Variants in CCL28 observed in about 807,000 individuals in gnomAD.
The protein encoded by CCL28 is C-C motif chemokine 28.
A neutral mutation model predicts 7.1 loss-of-function variants in CCL28; 4 were observed. That is an observed-to-expected ratio of 0.56 (90% CI 0.28 to 1.29). The LOEUF is 1.29. CCL28 is among the 50% of genes most tolerant of loss of function. The pLI is 0.11. For missense variants in CCL28, 151 were observed against 163.4 expected (o/e 0.92, Z 0.41); for synonymous variants, 55 against 57.8 (o/e 0.95, Z 0.22).
the CCL28 span, among the ~76,000 whole-genome samples, chr5:43,364,614 A>T: frequency 6.6e-6 from 1 of 151,966 alleles, no homozygotes; most frequent in African/African-American, 2.4e-5. Flanking sequence ...TCTAAAAAAA[A>T]TGTTAATTTA....
intron 1 of CCL28, among the ~76,000 whole-genome samples, chr5:43,408,109 A>G (rs1360379044): frequency 2.0e-5 from 3 of 152,380 alleles, no homozygotes; most frequent in Non-Finnish European, 4.4e-5. Flanking sequence ...AGAACTAGAA[A>G]TACTATTTGA....
chr5:43,362,108 T>C, the CCL28 span, among the ~76,000 whole-genome samples: 1 of 152,208 alleles, frequency 6.6e-6, no homozygotes, highest in African/African-American at 2.4e-5. Context: ...TTTAATGATA[T>C]TTGTTCTTTC....
rs779562332 is a variant in CCL28, at chr5:43,381,952, C to A, written c.292G>T (p.Val98Phe). 25 of 1,614,048 alleles carry A rather than the reference C, an allele frequency of 1.5e-5. No individual in the cohort carries two copies. In the South Asian group the frequency reaches 2.7e-4, roughly 18 times the overall value. ...QAAKKNGKGN[V>F]CHRKKHHGKR... ...CCATGGTGTTTCTTCCTGTGGCAAA[C>A]ATTTCCTTTACCATTTTTCTTGGCA... Residue 98 changes from valine (V) to phenylalanine (F), a missense_variant, in exon 3 of 3, where the codon GTT becomes TTT. Transcript: ENST00000361115.
intron 1 of CCL28, among the ~76,000 whole-genome samples, chr5:43,394,087 A>AACC (rs1253693634): frequency 1.3e-5 from 2 of 152,142 alleles, no homozygotes; most frequent in African/African-American, 2.4e-5. Flanking sequence ...TCCATAACAG[A>AACC]ACCACCCCAT....
intron 1 of CCL28, among the ~76,000 whole-genome samples, chr5:43,408,893 C>CTT (rs35098260): frequency 6.6e-4 from 93 of 141,842 alleles, no homozygotes; most frequent in South Asian, 8.9e-4. Context: ...TAATTTTTTA[C>CTT]TTTTTTTTTT....
chr5:43,383,785 A>C (rs1226182458), intron 2 of CCL28, among the ~76,000 whole-genome samples: 2 of 152,176 alleles, frequency 1.3e-5, no homozygotes, highest in African/African-American at 4.8e-5. Context: ...CTGAGCAGAT[A>C]AAGATTTTAG....
chr5:43,401,286 G>T (rs1039086352), intron 1 of CCL28, among the ~76,000 whole-genome samples: 1 of 152,048 alleles, frequency 6.6e-6, no homozygotes, highest in South Asian at 2.1e-4. Context: ...CCCAAATAAA[G>T]TCCTGCCAGG....
intron 1 of CCL28, chr5:43,397,196 C>T (rs934798831): frequency 1.8e-4 from 27 of 152,318 alleles, no homozygotes; most frequent in African/African-American, 6.5e-4. Context: ...CGCACGTCGC[C>T]CGCAGGCGCA....
intron 1 of CCL28, among the ~76,000 whole-genome samples, chr5:43,404,349 A>G (rs1741174487): frequency 6.6e-6 from 1 of 152,228 alleles, no homozygotes; most frequent in Non-Finnish European, 1.5e-5. Context: ...GTAGGGGCCA[A>G]TATTCAACAT....
At chr5:43,384,651 TTTC>T (rs1490931067) in intron 2 of CCL28, among the ~76,000 whole-genome samples, 1 of 152,080 alleles carries the variant, frequency 6.6e-6, no homozygotes, top group African/African-American at 2.4e-5. Context: ...CCTTTTTTTT[TTTC>T]TTAACCCTCA....
chr5:43,397,056 G>A (rs775437129), intron 1 of CCL28: 1 of 152,274 alleles, frequency 6.6e-6, no homozygotes, highest in Non-Finnish European at 1.5e-5. Context: ...GCTTCTTTAA[G>A]GCCGTGGACG....
Position 43,397,917 on chromosome 5 carries a change from G to A in CCL28, c.65-9441C>T, listed in dbSNP as rs1238208957. On this transcript the variant is annotated intron_variant, in intron 1 of 2. Coordinates refer to ENST00000361115, the MANE Select transcript of CCL28 (RefSeq NM_148672.3). ...TGCTTTTTATTCTTTCTGTTGGAAA[G>A]GTATTTTCTGTATTTCCTTTATTAA... 2.0e-5 allele frequency among the ~76,000 whole-genome samples: 3 copies of A among 151,640 alleles called. No individual in the cohort carries two copies. The East Asian group carries it at 5.8e-4, about 29-fold the overall frequency.
the CCL28 span, among the ~76,000 whole-genome samples, chr5:43,370,613 C>G: frequency 6.6e-6 from 1 of 152,124 alleles, no homozygotes; most frequent in African/African-American, 2.4e-5. Flanking sequence ...TGCACTGGGT[C>G]ACTGGGTCAC....
intron 1 of CCL28, among the ~76,000 whole-genome samples, chr5:43,403,888 C>A (rs1741153319): frequency 6.6e-6 from 1 of 151,840 alleles, no homozygotes; most frequent in Admixed American, 6.6e-5. Flanking sequence ...GCCGATTCGA[C>A]CAACTGGAAG....
chr5:43,388,274 C>G, intron 2 of CCL28, 76 bp downstream of exon 2: 1 of 1,562,276 alleles, frequency 6.4e-7, no homozygotes, highest in African/African-American at 1.4e-5. Context: ...CAAGCAAAGC[C>G]TTTCCAACCT....
Position 43,388,459 on chromosome 5 carries a change from A to C in CCL28, c.82T>G (p.Ser28Ala). Residue 28 changes from serine (S) to alanine (A), a missense_variant, in exon 2 of 3, where the codon TCC becomes GCC. Transcript: ENST00000361115. ...HASEAILPIA[S>A]SCCTEVSHHI... ...TGTGAAACCTCCGTGCAACAGCTGG[A>C]GGCAATGGGAAGTATGGCTAAAAGA... 1.9e-6 allele frequency: 3 copies of C among 1,614,050 alleles called. No homozygotes were observed. The highest frequency in any genetic ancestry group is 2.5e-6 in the Non-Finnish European group (3 of 1,180,012).
chr5:43,384,926 A>G (rs1245619920), intron 2 of CCL28, among the ~76,000 whole-genome samples: 1 of 144,902 alleles, frequency 6.9e-6, no homozygotes, highest in Non-Finnish European at 1.5e-5. Flanking sequence ...TTTTTTTTTG[A>G]GACGGAGTCA....
chr5:43,383,065 C>T (rs955309453), intron 2 of CCL28, among the ~76,000 whole-genome samples: 3 of 152,076 alleles, frequency 2.0e-5, no homozygotes, highest in Admixed American at 1.3e-4. Flanking sequence ...GTGATCCACT[C>T]GCCTCAGCCC....
intron 1 of CCL28, among the ~76,000 whole-genome samples, chr5:43,405,873 A>G (rs568284696): frequency 6.8e-4 from 103 of 152,366 alleles, no homozygotes; most frequent in Non-Finnish European, 2.4e-4. Context: ...AAACACCTCT[A>G]TGCAAATAAG....
Sources: allele counts gnomAD v4.1 joint callset (sites outside exome capture counted in the v4.1 genomes callset), GRCh38; gene constraint gnomAD v4.1.1; transcripts MANE v1.5; gene names NCBI Gene and HGNC (gene_info 2026-07-23, HGNC 2026-07-21).